Variants in CRYBG3 observed in about 807,000 individuals in gnomAD.
The protein encoded by CRYBG3 is crystallin beta-gamma domain containing 3.
In CRYBG3, 127 loss-of-function variants were observed where a neutral mutation model predicts 244.2. The observed-to-expected ratio is 0.52, with a 90% CI of 0.45 to 0.60. The LOEUF (loss-of-function observed/expected upper bound fraction) is 0.60, where lower values mean the gene tolerates loss of function less well. Among genes scored for constraint, CRYBG3 ranks in the 20% least tolerant of loss-of-function variants. CRYBG3 has a pLI of 0.00. For missense variants in CRYBG3, 3,325 were observed against 3,442.5 expected, an observed-to-expected ratio of 0.97 and a Z score of 0.85; for synonymous variants, 1,132 against 1,195.8, an observed-to-expected ratio of 0.95 and a Z score of 1.10.
At chr3:97,854,414 C>T (rs1047747360) in intron 2 of CRYBG3, among the ~76,000 whole-genome samples, 1 of 152,030 alleles carries the variant, frequency 6.6e-6, no homozygotes, top group Non-Finnish European at 1.5e-5. Flanking sequence ...ATAGGAATTG[C>T]ATTGAATCTG....
At chr3:97,906,198 T>C (rs2108245032) in intron 15 of CRYBG3, among the ~76,000 whole-genome samples, 1 of 146,514 alleles carries the variant, frequency 6.8e-6, no homozygotes, top group East Asian at 2.1e-4. Context: ...AGCTTTGTTC[T>C]TTTGGCTTAG....
At chr3:97,842,771 A>G (rs757743280) in intron 1 of CRYBG3, among the ~76,000 whole-genome samples, 1 of 152,152 alleles carries the variant, frequency 6.6e-6, no homozygotes, top group Non-Finnish European at 1.5e-5. Context: ...ATATGTTTAT[A>G]GTGATTTGCT....
At chr3:97,830,415 C>T (rs894584258) in intron 1 of CRYBG3, among the ~76,000 whole-genome samples, 3 of 152,078 alleles carry the variant, frequency 2.0e-5, no homozygotes, top group Non-Finnish European at 4.4e-5. Flanking sequence ...ATTGATCTCT[C>T]TACTACTCAG....
intron 1 of CRYBG3, among the ~76,000 whole-genome samples, chr3:97,827,685 A>T (rs932405449): frequency 2.0e-5 from 3 of 152,158 alleles, no homozygotes; most frequent in Non-Finnish European, 2.9e-5. Context: ...TGAGCTTGGA[A>T]CTTTAAAAAT....
chr3:97,924,351 G>T (rs753938778), intron 17 of CRYBG3: 1 of 441,030 alleles, frequency 2.3e-6, no homozygotes, highest in Non-Finnish European at 4.5e-6. Context: ...AATCTACCCT[G>T]ATGATACTGC....
At chr3:97,866,453 G>A (rs929963406) in intron 3 of CRYBG3, among the ~76,000 whole-genome samples, 28 of 152,304 alleles carry the variant, frequency 1.8e-4, no homozygotes, top group African/African-American at 6.5e-4. Context: ...GGTCCTTGGA[G>A]CAGCAGCAGC....
intron 1 of CRYBG3, chr3:97,836,943 G>A (rs2038742917): frequency 6.6e-6 from 1 of 152,090 alleles, no homozygotes; most frequent in Non-Finnish European, 1.5e-5. Flanking sequence ...TTCTGTTGTA[G>A]AACACAGCAA....
chr3:97,899,366 T>C, intron 14 of CRYBG3, 103 bp downstream of exon 14: 3 of 1,252,742 alleles, frequency 2.4e-6, no homozygotes, highest in Non-Finnish European at 3.3e-6. Flanking sequence ...TGATGTCATG[T>C]GTGTATATAG....
chr3:97,921,620 G>A (rs1261265771), intron 17 of CRYBG3, among the ~76,000 whole-genome samples: 1 of 152,082 alleles, frequency 6.6e-6, no homozygotes, highest in African/African-American at 2.4e-5. Flanking sequence ...GGATGGTGGG[G>A]AACCTAAGTT....
chr3:97,841,260 G>GTA (rs1209974488), intron 1 of CRYBG3, among the ~76,000 whole-genome samples: 11 of 141,266 alleles, frequency 7.8e-5, no homozygotes, highest in South Asian at 2.2e-4. Flanking sequence ...GTATATATGT[G>GTA]TATACACATA....
At chr3:97,841,174 C>G (rs2038807171) in intron 1 of CRYBG3, among the ~76,000 whole-genome samples, 1 of 149,896 alleles carries the variant, frequency 6.7e-6, no homozygotes, top group Non-Finnish European at 1.5e-5. Context: ...ATGTGTTTAA[C>G]ACACAGCTCA....
At chr3:97,881,352 A>C (rs2039444763) in intron 7 of CRYBG3, 133 bp downstream of exon 7, 1 of 552,726 alleles carries the variant, frequency 1.8e-6, no homozygotes, top group African/African-American at 2.0e-5. Flanking sequence ...CCATATTGAT[A>C]ATCTTTTGAA....
Position 97,875,919 on chromosome 3 carries a change from A to G in CRYBG3, c.4725A>G (p.Lys1575=), listed in dbSNP as rs577074780. 10 of 1,232,060 alleles carry G rather than the reference A, an allele frequency of 8.1e-6. No individual in the cohort carries two copies. In the South Asian group the frequency reaches 3.7e-4, roughly 46 times the overall value. 76.3% of individuals were successfully genotyped at this position (1,232,060 alleles called of 1,614,324 possible). Residue 1575 remains lysine, a synonymous_variant, in exon 4 of 22, where the codon AAA becomes AAG. Coordinates refer to ENST00000389622, the MANE Select transcript of CRYBG3 (RefSeq NM_153605.4). ...PPMIEMGRIH[K]MDAELNVTKT... is the part of the protein sequence containing the mutation. The stretch of plus-strand genomic sequence containing the variant: ...TGATAGAAATGGGAAGAATACATAA[A>G]ATGGATGCTGAATTGAATGTCACGA...
intron 11 of CRYBG3, among the ~76,000 whole-genome samples, chr3:97,894,850 T>C (rs1397800292): frequency 6.6e-6 from 1 of 152,198 alleles, no homozygotes; most frequent in African/African-American, 2.4e-5. Flanking sequence ...ATATTACAGA[T>C]ATACTGAGAT....
intron 9 of CRYBG3, 88 bp from the exon 10 acceptor site, chr3:97,889,267 T>C (rs911008035): frequency 9.8e-7 from 1 of 1,016,398 alleles, no homozygotes. Context: ...TAGATTTTTA[T>C]GTAACCTACA....
intron 17 of CRYBG3, 30 bp from the exon 18 acceptor site, chr3:97,933,664 T>G (rs2040124190): frequency 1.2e-6 from 2 of 1,611,174 alleles, no homozygotes; most frequent in Admixed American, 3.3e-5. Context: ...TGGCCACTCC[T>G]ATGGTGACGC....
chr3:97,849,553 A>G (rs975286285), intron 2 of CRYBG3, among the ~76,000 whole-genome samples: 4 of 152,080 alleles, frequency 2.6e-5, no homozygotes, highest in Non-Finnish European at 5.9e-5. Flanking sequence ...ATTGTGGCTG[A>G]TGGTAGTCTG....
rs537450884 is a variant in CRYBG3 at position 97,874,688 on chromosome 3, A to G, written c.3494A>G (p.Asn1165Ser). The change falls in exon 4 of 22, where the codon AAC (asparagine) becomes AGC (serine). Residue 1165 changes from asparagine (N) to serine (S), a missense_variant. Coordinates refer to ENST00000389622, the MANE Select transcript of CRYBG3 (RefSeq NM_153605.4). Reference protein sequence around the residue: ...GAVAGPAASVNSSGQQCSEAS... With the variant: ...GAVAGPAASVSSSGQQCSEAS... ...GTTGCTGGGCCTGCAGCGTCAGTTA[A>G]CAGCTCAGGCCAACAGTGTTCTGAA... 6.5e-7 allele frequency: 1 copy of G among 1,535,856 alleles called. No individual in the cohort carries two copies. The highest frequency in any genetic ancestry group is 1.2e-5 in the South Asian group (1 of 84,020).
At chr3:97,913,019 T>C (rs768007386) in intron 16 of CRYBG3, among the ~76,000 whole-genome samples, 3 of 152,114 alleles carry the variant, frequency 2.0e-5, no homozygotes, top group Non-Finnish European at 4.4e-5. Context: ...GTTTGTCAGT[T>C]TTCCTCCTTT....
Sources: allele counts gnomAD v4.1 joint callset (sites outside exome capture counted in the v4.1 genomes callset), GRCh38; gene constraint gnomAD v4.1.1; transcripts MANE v1.5; gene names NCBI Gene and HGNC (gene_info 2026-07-23, HGNC 2026-07-21).